DAB1: variants seen among roughly 807,000 people sequenced by gnomAD.
DAB1 encodes the protein DAB adaptor protein 1, also known as disabled homolog 1.
DAB1 carries 15 observed loss-of-function variants against 64.6 expected under a neutral mutation model. The observed-to-expected ratio is 0.23, with a 90% CI of 0.16 to 0.36. The LOEUF is 0.36. Ranked by LOEUF, DAB1 falls within the 10% of genes least tolerant of loss-of-function variation. DAB1 has a pLI of 1.00. For missense variants in DAB1, 596 were observed against 706.7 expected (o/e 0.84, Z 1.78); for synonymous variants, 235 against 251.9 (o/e 0.93, Z 0.64).
At chr1:57,145,569 G>A (rs1027936199) in intron 2 of DAB1, 140 bp from the exon 3 acceptor site, 16 of 772,584 alleles carry the variant, frequency 2.1e-5, no homozygotes, top group Non-Finnish European at 2.8e-5. Flanking sequence ...GAAAAGAATA[G>A]CAGTATTCCT....
chr1:58,087,451 G>A (rs914630756), intron 5 of DAB1, among the ~76,000 whole-genome samples: 3 of 152,186 alleles, frequency 2.0e-5, no homozygotes, highest in African/African-American at 7.2e-5. Flanking sequence ...TCAGCCAAAC[G>A]TGGCCCTTTT....
chr1:57,390,153 T>A (rs1682223561), intron 1 of DAB1, among the ~76,000 whole-genome samples: 1 of 152,230 alleles, frequency 6.6e-6, no homozygotes, highest in African/African-American at 2.4e-5. Context: ...CAAAGAAGGT[T>A]TTGGCCCTAT....
chr1:57,709,864 C>T (rs1647007852), intron 6 of DAB1, among the ~76,000 whole-genome samples: 1 of 152,070 alleles, frequency 6.6e-6, no homozygotes, highest in Non-Finnish European at 1.5e-5. Context: ...AAGATGGAGC[C>T]TCCATGTTCA....
At chr1:57,941,376 A>C (rs182633086) in intron 5 of DAB1, among the ~76,000 whole-genome samples, 68 of 152,306 alleles carry the variant, frequency 4.5e-4, no homozygotes, top group Non-Finnish European at 7.8e-4. Flanking sequence ...GGAATATTTT[A>C]TCACTTCTTT....
chr1:57,331,108 A>G (rs1170011885), intron 1 of DAB1, among the ~76,000 whole-genome samples: 2 of 152,204 alleles, frequency 1.3e-5, no homozygotes, highest in Non-Finnish European at 2.9e-5. Context: ...AATAAGTCTG[A>G]ACAAGTAAGC....
intron 2 of DAB1, among the ~76,000 whole-genome samples, chr1:57,161,774 A>T (rs1660775980): frequency 6.6e-6 from 1 of 152,110 alleles, no homozygotes; most frequent in Non-Finnish European, 1.5e-5. Flanking sequence ...CCACCCAGGT[A>T]CATTTATGGT....
chr1:57,379,456 G>C (rs1330592937), intron 1 of DAB1, among the ~76,000 whole-genome samples: 1 of 152,172 alleles, frequency 6.6e-6, no homozygotes, highest in Non-Finnish European at 1.5e-5. Flanking sequence ...GACCCAGAGT[G>C]AAATTAATAC....
At chr1:58,092,155 T>G (rs922010184) in intron 5 of DAB1, among the ~76,000 whole-genome samples, 4 of 151,836 alleles carry the variant, frequency 2.6e-5, no homozygotes, top group Non-Finnish European at 5.9e-5. Context: ...GCCAAGATGG[T>G]GAAACCCTGT....
At chr1:58,157,152 A>G (rs866321870) in intron 4 of DAB1, among the ~76,000 whole-genome samples, 2 of 152,158 alleles carry the variant, frequency 1.3e-5, no homozygotes, top group Non-Finnish European at 2.9e-5. Flanking sequence ...CCTGTGAAGG[A>G]AAAAGCCCCC....
At chr1:57,260,485 C>T (rs1394202783) in intron 2 of DAB1, among the ~76,000 whole-genome samples, 1 of 152,184 alleles carries the variant, frequency 6.6e-6, no homozygotes, top group East Asian at 1.9e-4. Flanking sequence ...AGCAGTGAAA[C>T]ATAGAGCCAC....
At chr1:57,467,519 A>C (rs1279711439) in intron 7 of DAB1, among the ~76,000 whole-genome samples, 1 of 152,102 alleles carries the variant, frequency 6.6e-6, no homozygotes. Flanking sequence ...TTTGATAAGC[A>C]CTACCTTAGG....
intron 1 of DAB1, among the ~76,000 whole-genome samples, chr1:57,420,547 G>A (rs533995527): frequency 2.6e-5 from 4 of 152,206 alleles, no homozygotes; most frequent in Non-Finnish European, 5.9e-5. Context: ...AACATGAAAG[G>A]TGACTTGCCA....
At chr1:58,085,958 CTTTTT>C (rs911523306) in intron 5 of DAB1, among the ~76,000 whole-genome samples, 4 of 98,704 alleles carry the variant, frequency 4.1e-5, no homozygotes, top group South Asian at 4.7e-4. Flanking sequence ...ATCTCTCTCT[CTTTTT>C]TTTTTTTTTT....
At chr1:58,391,962 A>G (rs1185099999) in intron 3 of DAB1, among the ~76,000 whole-genome samples, 1 of 152,262 alleles carries the variant, frequency 6.6e-6, no homozygotes, top group Non-Finnish European at 1.5e-5. Context: ...GTCACTAAGC[A>G]GCCATCTTGA....
chr1:57,072,738 T>C (rs1405606090), intron 4 of DAB1, among the ~76,000 whole-genome samples: 1 of 152,196 alleles, frequency 6.6e-6, no homozygotes, highest in Non-Finnish European at 1.5e-5. Flanking sequence ...ACATGACACA[T>C]CCCAGTCCAA....
intron 2 of DAB1, chr1:58,506,315 T>A: frequency 1.6e-6 from 1 of 636,648 alleles, no homozygotes; most frequent in East Asian, 2.8e-5. Context: ...ACTTTAAGTT[T>A]TAGGGTACAT....
chr1:57,203,831 A>G (rs952354993), intron 2 of DAB1, among the ~76,000 whole-genome samples: 1 of 152,198 alleles, frequency 6.6e-6, no homozygotes, highest in African/African-American at 2.4e-5. Context: ...GGCCTAGACA[A>G]GGAGCTAAGA....
At chr1:57,498,191 T>C (rs1363570216) in intron 7 of DAB1, among the ~76,000 whole-genome samples, 1 of 152,158 alleles carries the variant, frequency 6.6e-6, no homozygotes, top group African/African-American at 2.4e-5. Flanking sequence ...TTGGGTATGT[T>C]GAATTCGAGA....
intron 6 of DAB1, among the ~76,000 whole-genome samples, chr1:57,687,609 A>G (rs1239494233): frequency 6.0e-5 from 9 of 148,930 alleles, no homozygotes; most frequent in East Asian, 1.9e-4. Context: ...CAAAAAAAAA[A>G]AAAAAAAAAA....
Sources: gnomAD v4.1 joint callset for allele counts (sites outside exome capture counted in the v4.1 genomes callset) on GRCh38, gnomAD v4.1.1 for gene constraint, MANE v1.5 for transcripts, NCBI Gene and HGNC (gene_info 2026-07-23, HGNC 2026-07-21) for gene names.